The following MXRA5 variants were observed in gnomAD, a reference collection of about 807,000 sequenced individuals.
MXRA5 encodes matrix-remodeling-associated protein 5.
In MXRA5, 41 loss-of-function variants were observed where a neutral mutation model predicts 112.5. The observed-to-expected ratio is 0.36, with a 90% CI of 0.28 to 0.47. The LOEUF (loss-of-function observed/expected upper bound fraction) is 0.47. MXRA5 is among the 20% of genes least tolerant of loss of function. The pLI is 0.99. For missense variants in MXRA5, 2,150 were observed against 2,251.0 expected, an observed-to-expected ratio of 0.96 and a Z score of 0.91; for synonymous variants, 862 against 900.8, an observed-to-expected ratio of 0.96 and a Z score of 0.77.
At chrX:3,333,302 C>CA (rs386416494) in intron 2 of MXRA5, among the ~76,000 whole-genome samples, 206 of 14,812 alleles carry the variant, frequency 0.014, 27 homozygotes, top group Middle Eastern at 0.083. Context: ...TACCCCATAT[C>CA]AAAAAAAAAA....
rs1355083709 is a variant in MXRA5, at chrX:3,321,801, T to C, written c.3884A>G (p.Tyr1295Cys). ...ATATATTTTTCTGGTGGTTGTCATGTAATCTAAGGAATCATAAGGGCCCTC... is the reference window on the plus strand; with the variant it reads ...ATATATTTTTCTGGTGGTTGTCATGCAATCTAAGGAATCATAAGGGCCCTC... ...KTEGPYDSLD[Y>C]MTTTRKIYSS... The change falls in exon 5 of 7, where the codon TAC becomes TGC. Residue 1295 changes from tyrosine (Y) to cysteine (C), a missense_variant. Around this residue, in one of 6 missense-constraint regions of MXRA5, gnomAD observed 1,485 missense variants for 1,471.6 expected, o/e 1.01. Coordinates refer to ENST00000217939, the MANE Select transcript of MXRA5 (RefSeq NM_015419.4). The C allele has an allele frequency of 2.7e-5, 33 of 1,210,714 alleles. No individual in the cohort carries two copies. The highest frequency in any genetic ancestry group is 3.7e-5 in the Non-Finnish European group (33 of 894,479).
intron 2 of MXRA5, among the ~76,000 whole-genome samples, chrX:3,338,805 G>A (rs1325600180): frequency 9.1e-6 from 1 of 110,319 alleles, no homozygotes; most frequent in Non-Finnish European, 1.9e-5. Context: ...TAGGTGATAG[G>A]CAGATGCATG....
intron 2 of MXRA5, among the ~76,000 whole-genome samples, chrX:3,333,302 CAAAAAAAAAAAAAAAA>C (rs386416494): frequency 6.8e-5 from 1 of 14,812 alleles, no homozygotes; most frequent in South Asian, 0.019. Flanking sequence ...TACCCCATAT[CAAAAAAAAAAAAAAAA>C]AAAAAAAAAA....
At chrX:3,341,053 T>TA (rs1402017228) in intron 2 of MXRA5, among the ~76,000 whole-genome samples, 54 of 60,681 alleles carry the variant, frequency 8.9e-4, no homozygotes, top group Non-Finnish European at 1.6e-3. Context: ...GTGTATAATA[T>TA]ATATTATATA....
chrX:3,334,603 G>C (rs1921742778), intron 2 of MXRA5, among the ~76,000 whole-genome samples: 1 of 111,878 alleles, frequency 8.9e-6, no homozygotes, highest in Non-Finnish European at 1.9e-5. Context: ...CTAAAATGTA[G>C]TTAGGCAGGG....
At position 3,309,824 on chromosome X, in the gene MXRA5, T is replaced by A. The variant is rs1920968146; in HGVS notation, c.8379A>T (p.Gly2793=). The A allele has an allele frequency of 6.6e-6, 8 of 1,211,611 alleles. No homozygotes were observed. Among genetic ancestry groups the A allele is most frequent in the Middle Eastern group, 2.3e-4 (1 of 4,345 alleles). The change falls in exon 7 of 7, where the codon GGA becomes GGT. Residue 2793 remains glycine (G), a synonymous_variant. Coordinates refer to ENST00000217939, the MANE Select transcript of MXRA5 (RefSeq NM_015419.4). ...GTGTGGCATGCTGGATGGTCAGTGA[T>A]CCCTGGGGGTGAAGAAATCTGTTTC... ...LYGNRFLHPQ[G]SLTIQHATQR...
chrX:3,322,869 G>T lies in MXRA5; in HGVS notation c.2816C>A (p.Thr939Lys), dbSNP rs374584651. 35 of 1,209,494 alleles carry T rather than the reference G, an allele frequency of 2.9e-5. No individual in the cohort carries two copies. The highest frequency in any genetic ancestry group is 3.6e-5 in the Non-Finnish European group (32 of 895,122). Residue 939 changes from threonine (T) to lysine (K), a missense_variant, in exon 5 of 7, where the codon ACG becomes AAG. Physicochemically the swap from Thr to Lys is moderately conservative, Grantham distance 78. Transcript: ENST00000217939. ...TVYEKPTHEETATEGWSAADV... is the reference protein window; with the variant it reads ...TVYEKPTHEEKATEGWSAADV... ...TGCTGCAGACCAACCCTCTGTTGCCGTCTCTTCATGGGTGGGCTTTTCATA... is the reference window on the plus strand; with the variant it reads ...TGCTGCAGACCAACCCTCTGTTGCCTTCTCTTCATGGGTGGGCTTTTCATA...
At chrX:3,328,930 G>C (rs1406400925) in intron 4 of MXRA5, among the ~76,000 whole-genome samples, 1 of 96,181 alleles carries the variant, frequency 1.0e-5, no homozygotes, top group African/African-American at 3.8e-5. Flanking sequence ...GGAAGGAAAC[G>C]AAGGAAGGAG....
chrX:3,345,142 A>G (rs1371056693), intron 1 of MXRA5, among the ~76,000 whole-genome samples: 2 of 111,946 alleles, frequency 1.8e-5, no homozygotes, highest in African/African-American at 6.5e-5. Context: ...TCAAAAAATA[A>G]AAATAAAATT....
chrX:3,337,251 A>G (rs1313329690), intron 2 of MXRA5, among the ~76,000 whole-genome samples: 1 of 111,818 alleles, frequency 8.9e-6, no homozygotes, highest in Non-Finnish European at 1.9e-5. Context: ...TGTTGGCCAT[A>G]AAGTTCAGAG....
At position 3,321,820 on chromosome X, in the gene MXRA5, G is replaced by C. The variant is rs763938750; in HGVS notation, c.3865C>G (p.Pro1289Ala). 3.2e-5 allele frequency: 39 copies of C among 1,210,128 alleles called. No homozygotes were observed. Among genetic ancestry groups the C allele is most frequent in the Non-Finnish European group, 3.9e-5 (35 of 894,234 alleles). ...GTCATGTAATCTAAGGAATCATAAG[G>C]GCCCTCAGTTTTCAGAGAAACAGTT... ...PRTVSLKTEG[P>A]YDSLDYMTTT... The change falls in exon 5 of 7, where the codon CCT (proline) becomes GCT (alanine). Residue 1289 changes from proline (P) to alanine (A), a missense_variant. This residue lies in a region of MXRA5 where 1,485 missense variants were observed against 1,471.6 expected (regional missense o/e 1.01). Transcript: ENST00000217939.
intron 2 of MXRA5, among the ~76,000 whole-genome samples, chrX:3,336,169 G>A (rs1921781263): frequency 8.9e-6 from 1 of 111,972 alleles, no homozygotes; most frequent in Non-Finnish European, 1.9e-5. Context: ...CTCCTTATGA[G>A]AATCTAATGC....
intron 5 of MXRA5, among the ~76,000 whole-genome samples, chrX:3,318,843 C>T (rs1418482975): frequency 2.1e-5 from 2 of 96,212 alleles, no homozygotes; most frequent in Non-Finnish European, 4.1e-5. Flanking sequence ...CAATGAAATG[C>T]CATTCTGTCT....
Position 3,317,741 on chromosome X carries a change from G to C in MXRA5, c.5940C>G (p.Pro1980=). Residue 1980 remains proline, a synonymous_variant, in exon 6 of 7, where the codon CCC becomes CCG. Coordinates refer to ENST00000217939, the MANE Select transcript of MXRA5 (RefSeq NM_015419.4). ...MECLAKGTPA[P]QISWIFPDRR... Reference sequence around the variant, plus strand: ...TGTCAGGGAAGATCCAGGAAATTTGGGGGGCTGGGGTCCCTTTGGCCAGAC... The same window carrying C: ...TGTCAGGGAAGATCCAGGAAATTTGCGGGGCTGGGGTCCCTTTGGCCAGAC... The C allele has an allele frequency of 8.3e-7, 1 of 1,207,558 alleles. No homozygotes were observed. The highest frequency in any genetic ancestry group is 1.1e-6 in the Non-Finnish European group (1 of 892,856).
At chrX:3,335,744 C>CA (rs1285765006) in intron 2 of MXRA5, among the ~76,000 whole-genome samples, 4 of 112,444 alleles carry the variant, frequency 3.6e-5, no homozygotes, top group Non-Finnish European at 7.5e-5. Flanking sequence ...TAGAAGTCTA[C>CA]ATGGCACATA....
Position 3,324,660 on chromosome X carries a change from A to C in MXRA5, c.1025T>G (p.Val342Gly), listed in dbSNP as rs1921411866. ...CGTTTGGTTCAAGTGAATCTTGTAC[A>C]CATCCATTGGTTTCTTGATGTCACA... ...LVCDIKKPMD[V>G]YKIHLNQTDP... Residue 342 changes from valine to glycine, a missense_variant, in exon 5 of 7, where the codon GTG (valine) becomes GGG (glycine). Physicochemically the swap from Val to Gly is moderately radical, Grantham distance 109. Coordinates refer to ENST00000217939, the MANE Select transcript of MXRA5 (RefSeq NM_015419.4). 8.3e-7 allele frequency: 1 copy of C among 1,208,959 alleles called. No individual in the cohort carries two copies. Among genetic ancestry groups the C allele is most frequent in the Non-Finnish European group, 1.1e-6 (1 of 894,357 alleles).
At position 3,324,158 on chromosome X, in the gene MXRA5, T is replaced by A. The variant is rs1441729698; in HGVS notation, c.1527A>T (p.Pro509=). ...LSCNVKASES[P]SIFWVLPDGS... ...CATCTGGAAGCACCCAGAAGATAGA[T>A]GGACTCTCAGAAGCTTTCACGTTGC... is the stretch of plus-strand genomic sequence containing the variant. Residue 509 remains proline (P), a synonymous_variant, in exon 5 of 7, where the codon CCA becomes CCT. Transcript: ENST00000217939. 3.3e-6 allele frequency: 4 copies of A among 1,211,609 alleles called. No homozygotes were observed. The highest frequency in any genetic ancestry group is 1.8e-5 in the South Asian group (1 of 56,941).
At chrX:3,328,683 C>A (rs189923846) in intron 4 of MXRA5, among the ~76,000 whole-genome samples, 1 of 107,940 alleles carries the variant, frequency 9.3e-6, no homozygotes, top group Non-Finnish European at 1.9e-5. Flanking sequence ...GAAATAGATC[C>A]AGGATATGGT....
chrX:3,311,087 T>C lies in MXRA5; in HGVS notation c.7116A>G (p.Gly2372=), dbSNP rs1456878136. 8.3e-7 allele frequency: 1 copy of C among 1,209,460 alleles called. No individual in the cohort carries two copies. The highest frequency in any genetic ancestry group is 1.8e-5 in the South Asian group (1 of 56,771). ...ACCAAGTCACCTTGGGCATGGGTTC[T>C]CCTTTGGCCTCACAGGCTACAGTGA... The part of the protein sequence containing the change: ...DVVTVACEAK[G]EPMPKVTWLS... The change falls in exon 7 of 7, where the codon GGA becomes GGG. Residue 2372 remains glycine, a synonymous_variant. Transcript: ENST00000217939.
Sources: allele counts gnomAD v4.1 joint callset (sites outside exome capture counted in the v4.1 genomes callset), GRCh38; gene constraint gnomAD v4.1.1; regional missense constraint gnomAD v4.1.1; transcripts MANE v1.5; gene names NCBI Gene and HGNC (gene_info 2026-07-23, HGNC 2026-07-21).